The following PES1 variants were observed in gnomAD, a reference collection of about 807,000 sequenced individuals.
PES1 encodes the protein pescadillo ribosomal biogenesis factor 1, also known as pescadillo homolog.
In PES1, 31 loss-of-function variants were observed where a neutral mutation model predicts 77.1. That is an observed-to-expected ratio of 0.40 (90% CI 0.30 to 0.54). PES1 has a LOEUF of 0.54. PES1 is among the 20% of genes least tolerant of loss of function. The pLI is 0.45. For synonymous variants in PES1, 282 were observed against 303.0 expected, an observed-to-expected ratio of 0.93 and a Z score of 0.72; for missense variants, 658 against 771.7, an observed-to-expected ratio of 0.85 and a Z score of 1.75.
chr22:30,591,714 G>A (rs2087179194), intron 1 of PES1, 96 bp downstream of exon 1: 2 of 1,386,680 alleles, frequency 1.4e-6, no homozygotes, highest in African/African-American at 2.9e-5. Flanking sequence ...CGTCTTTCCA[G>A]TCTCCACGAG....
At chr22:30,595,265 C>T (rs1445360657), upstream of PES1, among the ~76,000 whole-genome samples, 1 of 151,968 alleles carries the variant, frequency 6.6e-6, no homozygotes, top group East Asian at 1.9e-4. Context: ...ACTGGCTGGG[C>T]GCGACAGCTC....
At chr22:30,598,887 T>TTTTTTTTC (rs1161076924) in intron 2 of PES1, among the ~76,000 whole-genome samples, 1 of 57,106 alleles carries the variant, frequency 1.8e-5, no homozygotes, top group East Asian at 4.4e-4. Flanking sequence ...TAAGTAAAAT[T>TTTTTTTTC]TTTTTTTTTT....
In PES1 at chr22:30,579,773, A is replaced by G. The variant is rs750947563; in HGVS notation, c.1332T>C (p.Ala444=). 2.5e-6 allele frequency: 4 copies of G among 1,613,744 alleles called. No individual in the cohort carries two copies. The stretch of plus-strand genomic sequence containing the variant: ...CACCTGGGTCCTCTCCCCGCTGCAG[A>G]GCCAGCAGCTTCAGCTTCTCAGGTG... ...YVPPEKLKLL[A]LQRGEDPGNL... is the part of the protein sequence containing the mutation. Residue 444 remains alanine, a synonymous_variant, in exon 12 of 15, where the codon GCT becomes GCC. Transcript: ENST00000354694.
chr22:30,606,513 A>C (rs2087446150), intron 1 of PES1: 1 of 152,324 alleles, frequency 6.6e-6, no homozygotes, highest in Non-Finnish European at 1.5e-5. Context: ...AGCCTTTCAA[A>C]GTGCTAGGAT....
chr22:30,596,329 T>G (rs923249508), upstream of PES1, among the ~76,000 whole-genome samples: 7 of 150,316 alleles, frequency 4.7e-5, no homozygotes, highest in Admixed American at 3.3e-4. Flanking sequence ...CTAAACTCAT[T>G]GTTTTTTCAA....
At position 30,576,704 on chromosome 22, in the gene PES1, C is replaced by T. The variant is rs1159923538; in HGVS notation, c.*342G>A. ...CCCCATCACAGCACCCTGAGAATCA[C>T]GGGTCCAACTGTGTGGGAGGGGGCT... is the stretch of plus-strand genomic sequence containing the variant. On this transcript the variant is annotated 3_prime_UTR_variant, in exon 15 of 15. Coordinates refer to ENST00000354694, the MANE Select transcript of PES1 (RefSeq NM_014303.4). The T allele has an allele frequency of 2.3e-5, 8 of 345,386 alleles. No homozygotes were observed. The East Asian group carries it at 3.0e-4, about 13-fold the overall frequency. The allele number at this position is 345,386 out of a possible 1,614,324, so 21.4% of individuals were successfully genotyped here.
intron 2 of PES1, among the ~76,000 whole-genome samples, chr22:30,604,858 G>A (rs1319656442): frequency 6.6e-6 from 1 of 152,026 alleles, no homozygotes; most frequent in Admixed American, 6.6e-5. Flanking sequence ...CAGGAGGATC[G>A]CTTGAGCCCA....
chr22:30,606,240 T>C (rs1330271294), intron 1 of PES1, among the ~76,000 whole-genome samples: 1 of 151,876 alleles, frequency 6.6e-6, no homozygotes, highest in Non-Finnish European at 1.5e-5. Context: ...TTTATTTTAT[T>C]TTATTTTTGA....
intron 2 of PES1, among the ~76,000 whole-genome samples, chr22:30,599,533 G>A (rs1911501970): frequency 6.6e-6 from 1 of 152,206 alleles, no homozygotes; most frequent in Non-Finnish European, 1.5e-5. Context: ...GATAGTCACA[G>A]GCTGTAAAAA....
At chr22:30,600,644 G>A (rs532149811) in intron 2 of PES1, among the ~76,000 whole-genome samples, 2 of 152,016 alleles carry the variant, frequency 1.3e-5, no homozygotes, top group African/African-American at 2.4e-5. Context: ...GTGAAACCCC[G>A]TCTCTACTAA....
chr22:30,598,552 C>T (rs2087301692), intron 2 of PES1, among the ~76,000 whole-genome samples: 1 of 152,200 alleles, frequency 6.6e-6, no homozygotes, highest in Non-Finnish European at 1.5e-5. Context: ...CCTCAGGTTC[C>T]TGAGTAGCTG....
At chr22:30,591,668 A>G in intron 1 of PES1, 142 bp downstream of exon 1, 1 of 851,054 alleles carries the variant, frequency 1.2e-6, no homozygotes, top group Non-Finnish European at 1.8e-6. Flanking sequence ...CCATTCTCGG[A>G]CCCCTTCTCG....
chr22:30,577,128 G>C lies in PES1; in HGVS notation c.1685C>G (p.Ala562Gly). The C allele has an allele frequency of 1.2e-6, 2 of 1,613,918 alleles. No individual in the cohort carries two copies. The highest frequency in any genetic ancestry group is 2.2e-5 in the South Asian group (2 of 91,080). Residue 562 changes from alanine to glycine, a missense_variant and splice_region_variant, in exon 15 of 15, where the codon GCC becomes GGC. Ala to Gly is a moderately conservative substitution (Grantham distance 60). Coordinates refer to ENST00000354694, the MANE Select transcript of PES1 (RefSeq NM_014303.4). ...MFGKRRKIRE[A>G]NKLAEKRKAH... ...TTTCCGCTTCTCCGCCAGCTTGTTG[G>C]CCTGTGAGGGGGAAGGCGAAGGTCA...
chr22:30,586,708 A>T (rs2087096024), intron 4 of PES1, among the ~76,000 whole-genome samples: 1 of 152,196 alleles, frequency 6.6e-6, no homozygotes, highest in Non-Finnish European at 1.5e-5. Context: ...TCACACCTGT[A>T]ATCCCAGCAC....
At chr22:30,606,862 C>T (rs1286140608) in exon 1 of PES1, 2 of 1,023,250 alleles carry the variant, frequency 2.0e-6, no homozygotes, top group Non-Finnish European at 2.3e-6. Flanking sequence ...GCTAGGTGGG[C>T]ACTACCAGGG....
intron 12 of PES1, 122 bp downstream of exon 12, chr22:30,579,629 G>C: frequency 3.3e-6 from 3 of 913,112 alleles, no homozygotes; most frequent in Non-Finnish European, 5.1e-6. Flanking sequence ...TTATTCTACA[G>C]GTGACTTCAA....
chr22:30,589,424 C>T (rs1602019423), intron 1 of PES1, among the ~76,000 whole-genome samples, 154 bp from the exon 2 acceptor site: 1 of 152,210 alleles, frequency 6.6e-6, no homozygotes, highest in African/African-American at 2.4e-5. Flanking sequence ...AGCCGACCTG[C>T]CTGGATGAGC....
intron 2 of PES1, among the ~76,000 whole-genome samples, chr22:30,601,280 ATC>A (rs1013028550): frequency 6.6e-6 from 1 of 152,056 alleles, no homozygotes; most frequent in African/African-American, 2.4e-5. Flanking sequence ...CATCCTCTTT[ATC>A]TCTCTTAATG....
intron 6 of PES1, among the ~76,000 whole-genome samples, chr22:30,583,419 G>A (rs1299471931): frequency 6.6e-6 from 1 of 152,246 alleles, no homozygotes; most frequent in Non-Finnish European, 1.5e-5. Flanking sequence ...GGGCAGCAGA[G>A]CCACTGTGCT....
Sources: gnomAD v4.1 joint callset for allele counts (sites outside exome capture counted in the v4.1 genomes callset) on GRCh38, gnomAD v4.1.1 for gene constraint, MANE v1.5 for transcripts, NCBI Gene and HGNC (gene_info 2026-07-23, HGNC 2026-07-21) for gene names.